Variants in ZNF558 observed in about 807,000 individuals in gnomAD.
ZNF558 encodes the protein zinc finger protein 558.
In ZNF558, 23 loss-of-function variants were observed where a neutral mutation model predicts 37.6. The observed-to-expected ratio is 0.61, with a 90% CI of 0.44 to 0.87. ZNF558 has a LOEUF of 0.87. ZNF558 is among the 40% of genes least tolerant of loss of function. ZNF558 has a pLI of 0.00. For missense variants in ZNF558, 429 were observed against 483.7 expected (o/e 0.89, Z 1.06); for synonymous variants, 189 against 174.4 (o/e 1.08, Z -0.66).
In ZNF558 at chr19:8,811,445, C is replaced by G; in HGVS notation, c.1045G>C (p.Glu349Gln). The change falls in exon 10 of 10, where the codon GAG becomes CAG. Residue 349 changes from glutamate to glutamine, a missense_variant. Glu to Gln is a conservative substitution (Grantham distance 29). Coordinates refer to ENST00000601372, the MANE Select transcript of ZNF558 (RefSeq NM_144693.3). ...KRIHTGEKPYECSDCGKAFNN... is the reference protein window; with the variant it reads ...KRIHTGEKPYQCSDCGKAFNN... The stretch of plus-strand genomic sequence containing the variant: ...AAGGCTTTTCCACAGTCACTGCACT[C>G]GTAGGGTTTCTCTCCGGTATGTATT... The G allele has an allele frequency of 6.2e-7, 1 of 1,614,018 alleles. No individual in the cohort carries two copies. Among genetic ancestry groups the G allele is most frequent in the Non-Finnish European group, 8.5e-7 (1 of 1,179,986 alleles).
chr19:8,823,105 C>A (rs2044135550), intron 4 of ZNF558, among the ~76,000 whole-genome samples: 1 of 152,000 alleles, frequency 6.6e-6, no homozygotes, highest in Non-Finnish European at 1.5e-5. Flanking sequence ...ATGTCAGAGA[C>A]CCCCAGAGTC....
At chr19:8,835,946 A>C (rs944035353), upstream of ZNF558, among the ~76,000 whole-genome samples, 52 of 152,250 alleles carry the variant, frequency 3.4e-4, no homozygotes, top group Admixed American at 3.3e-4. Context: ...AATTTAAATA[A>C]AATTTCCAGA....
chr19:8,817,026 T>G (rs2043956421), intron 7 of ZNF558, among the ~76,000 whole-genome samples: 1 of 151,698 alleles, frequency 6.6e-6, no homozygotes, highest in South Asian at 2.1e-4. Context: ...CTAAAAAGAT[T>G]AAAAAGAAAT....
chr19:8,827,157 T>C (rs1357871624), intron 2 of ZNF558, among the ~76,000 whole-genome samples: 1 of 147,260 alleles, frequency 6.8e-6, no homozygotes. Context: ...TTACAGATCC[T>C]GTGACACCTG....
intron 6 of ZNF558, 197 bp downstream of exon 6, chr19:8,821,805 GA>G: frequency 7.1e-7 from 1 of 1,411,536 alleles, no homozygotes. Flanking sequence ...AGGGACCCTG[GA>G]GGGAGCTCTG....
chr19:8,818,193 C>A lies in ZNF558; in HGVS notation c.247+2987G>T, dbSNP rs562172476. Among the ~76,000 whole-genome samples the A allele has an allele frequency of 3.3e-5, 5 of 152,238 alleles. No homozygotes were observed. In the South Asian group the frequency reaches 8.3e-4, roughly 25 times the overall value. On this transcript the variant is annotated intron_variant, in intron 7 of 9. Coordinates refer to ENST00000601372, the MANE Select transcript of ZNF558 (RefSeq NM_144693.3). ...ACAGGGCCAGGCGCAGTGGCTCACGCCTGAAATCCCAGCACTTTGGGAGGT... is the reference window on the plus strand; with the variant it reads ...ACAGGGCCAGGCGCAGTGGCTCACGACTGAAATCCCAGCACTTTGGGAGGT...
chr19:8,825,620 A>G (rs2044213764), intron 2 of ZNF558, among the ~76,000 whole-genome samples: 1 of 152,186 alleles, frequency 6.6e-6, no homozygotes. Context: ...CCATAAAGCC[A>G]GCTTCTGGAG....
chr19:8,836,466 C>T (rs935488741), upstream of ZNF558, among the ~76,000 whole-genome samples: 2 of 150,526 alleles, frequency 1.3e-5, no homozygotes, highest in African/African-American at 4.9e-5. Flanking sequence ...CCTCCTCCTC[C>T]CCCCCTCTCC....
upstream of ZNF558, among the ~76,000 whole-genome samples, chr19:8,836,703 G>T (rs1044836582): frequency 2.0e-5 from 3 of 152,136 alleles, no homozygotes; most frequent in African/African-American, 7.2e-5. Context: ...CACCACAGAG[G>T]CTAGTCTCGA....
chr19:8,820,953 G>T (rs1381526104), intron 7 of ZNF558, among the ~76,000 whole-genome samples: 1 of 152,114 alleles, frequency 6.6e-6, no homozygotes, highest in African/African-American at 2.4e-5. Context: ...CTGCTTCATA[G>T]GGACGGGGTT....
At chr19:8,827,249 T>C (rs1163517343) in intron 2 of ZNF558, among the ~76,000 whole-genome samples, 2 of 152,240 alleles carry the variant, frequency 1.3e-5, no homozygotes, top group Non-Finnish European at 2.9e-5. Flanking sequence ...CTTCTGGTGA[T>C]GATGGAAATG....
At chr19:8,836,621 A>G (rs963303880), upstream of ZNF558, among the ~76,000 whole-genome samples, 2 of 151,972 alleles carry the variant, frequency 1.3e-5, no homozygotes, top group Non-Finnish European at 2.9e-5. Flanking sequence ...CTTCCCGAGT[A>G]GCTGGGACTG....
Position 8,822,744 on chromosome 19 carries a change from T to C in ZNF558, c.-65-20A>G, listed in dbSNP as rs962107319. 7 of 1,604,500 alleles carry C rather than the reference T, an allele frequency of 4.4e-6. No individual in the cohort carries two copies. Among genetic ancestry groups the C allele is most frequent in the Non-Finnish European group, 6.0e-6 (7 of 1,173,598 alleles). The stretch of plus-strand genomic sequence containing the variant: ...AGCGCTCTGGAAGAAACGGGAATGC[T>C]CCAAGTCTCCGTGGCCTCCTCCCTC... On this transcript the variant is annotated intron_variant, in intron 4 of 9. Transcript: ENST00000601372. This position sits in a 1 kb window ranked among gnomAD's most constrained non-coding sequence, Gnocchi z 4.4.
chr19:8,818,917 TC>T lies in ZNF558; in HGVS notation c.247+2262del. On this transcript the variant is annotated intron_variant, in intron 7 of 9. Coordinates refer to ENST00000601372, the MANE Select transcript of ZNF558 (RefSeq NM_144693.3). ...ATAATTTTCAATAAGGGTACCAAGG[TC>T]ATTTGATGGGGAAAGAATAAAGGTG... Among the ~76,000 whole-genome samples, 2 of 152,294 alleles carry T rather than the reference TC, an allele frequency of 1.3e-5. 1 individual carries two copies. The highest frequency in any genetic ancestry group is 4.1e-4 in the South Asian group (2 of 4,822).
intron 7 of ZNF558, among the ~76,000 whole-genome samples, chr19:8,813,692 G>A (rs915113639): frequency 7.9e-5 from 12 of 152,136 alleles, no homozygotes; most frequent in Admixed American, 3.9e-4. Context: ...AGTGCATATG[G>A]TAACTCTCAC....
Position 8,808,387 on chromosome 19 carries a change from C to T in ZNF558, c.*2894G>A, listed in dbSNP as rs868922394. The stretch of plus-strand genomic sequence containing the variant: ...ATACTTTGCTATGTAAAAATATCAT[C>T]TCCACATAAAAAGGAATACAGAATA... On this transcript the variant is annotated 3_prime_UTR_variant, in exon 10 of 10. Transcript: ENST00000601372. 4.1e-5 allele frequency: 4 copies of T among 96,550 alleles called. No homozygotes were observed. The highest frequency in any genetic ancestry group is 8.1e-5 in the Non-Finnish European group (4 of 49,230). 6.0% of individuals were successfully genotyped at this position (96,550 alleles called of 1,614,324 possible). A position where few individuals can be genotyped will look rare whatever the true frequency, so the allele number is the denominator to read the frequency against.
intron 2 of ZNF558, among the ~76,000 whole-genome samples, chr19:8,827,531 C>T (rs2044258638): frequency 6.6e-6 from 1 of 151,356 alleles, no homozygotes; most frequent in Admixed American, 6.6e-5. Context: ...GGTTCTGCCT[C>T]CCTCTTGATC....
At position 8,822,113 on chromosome 19, in the gene ZNF558, C is replaced by G; in HGVS notation, c.32-22G>C. ...GGAGCTGGAGGAGGAGAAATGAGTC[C>G]CATGGATTCAGGCTTGTCTGACACC... On this transcript the variant is annotated intron_variant, in intron 5 of 9. Coordinates refer to ENST00000601372, the MANE Select transcript of ZNF558 (RefSeq NM_144693.3). The surrounding 1 kb of genome is among the most constrained non-coding windows in gnomAD (Gnocchi z 4.4). 6.2e-7 allele frequency: 1 copy of G among 1,613,584 alleles called. No homozygotes were observed. The highest frequency in any genetic ancestry group is 8.5e-7 in the Non-Finnish European group (1 of 1,179,706).
chr19:8,825,190 CT>C (rs762572585), intron 2 of ZNF558, 82 bp from the exon 3 acceptor site: 1 of 152,196 alleles, frequency 6.6e-6, no homozygotes, highest in Non-Finnish European at 1.5e-5. Context: ...AGAAATCTAT[CT>C]CAAAGGTACA....
Sources: allele counts gnomAD v4.1 joint callset (sites outside exome capture counted in the v4.1 genomes callset), GRCh38; gene constraint gnomAD v4.1.1; non-coding constraint Gnocchi (gnomAD v3.1); transcripts MANE v1.5; gene names NCBI Gene and HGNC (gene_info 2026-07-23, HGNC 2026-07-21).